The following DOCK4 variants were observed in gnomAD, a reference collection of about 807,000 sequenced individuals.
DOCK4 encodes dedicator of cytokinesis protein 4.
A neutral mutation model predicts 268.1 loss-of-function variants in DOCK4; 97 were observed. The observed-to-expected ratio is 0.36, with a 90% CI of 0.31 to 0.43. DOCK4 has a LOEUF of 0.43. DOCK4 is among the 20% of genes least tolerant of loss of function. The pLI is 1.00. For synonymous variants in DOCK4, 954 were observed against 887.2 expected (o/e 1.08, Z -1.34); for missense variants, 2,145 against 2,455.7 (o/e 0.87, Z 2.67).
rs529221240 is a variant in DOCK4, at chr7:111,760,236, G to A, written c.4107C>T (p.Ile1369=). 33 of 1,613,890 alleles carry A rather than the reference G, an allele frequency of 2.0e-5. No homozygotes were observed. Among genetic ancestry groups the A allele is most frequent in the Admixed American group, 5.0e-5 (3 of 60,006 alleles). ...QRMLNEFPHA[I]AMQHANQPDE... is the part of the protein sequence containing the mutation. ...CGGGCTGGTTGGCGTGCTGCATGGC[G>A]ATGGCATGGGGGAACTCGTTCAGCA... Residue 1369 remains isoleucine, a synonymous_variant, in exon 40 of 53, where the codon ATC becomes ATT. Transcript: ENST00000428084.
intron 40 of DOCK4, among the ~76,000 whole-genome samples, 153 bp from the exon 41 acceptor site, chr7:111,758,943 G>T (rs1367303406): frequency 6.6e-6 from 1 of 152,092 alleles, no homozygotes; most frequent in Non-Finnish European, 1.5e-5. Flanking sequence ...AAGACGCCAG[G>T]AACTCAGTTC....
chr7:112,204,111 T>C (rs1821175670), intron 1 of DOCK4, among the ~76,000 whole-genome samples: 1 of 151,994 alleles, frequency 6.6e-6, no homozygotes, highest in Non-Finnish European at 1.5e-5. Flanking sequence ...AACCGAGGTG[T>C]CTGCTGCAGC....
intron 47 of DOCK4, among the ~76,000 whole-genome samples, chr7:111,740,878 G>A (rs1343820697): frequency 6.6e-6 from 1 of 151,396 alleles, no homozygotes; most frequent in African/African-American, 2.4e-5. Context: ...CTTTTCCATC[G>A]CTTGCTGATG....
Position 111,739,234 on chromosome 7 carries a change from A to G in DOCK4, c.5132T>C (p.Leu1711Ser), listed in dbSNP as rs760039214. The G allele has an allele frequency of 8.7e-6, 14 of 1,613,868 alleles. No individual in the cohort carries two copies. Among genetic ancestry groups the G allele is most frequent in the Non-Finnish European group, 1.2e-5 (14 of 1,179,736 alleles). Residue 1711 changes from leucine (L) to serine (S), a missense_variant, in exon 49 of 53, where the codon TTG (leucine) becomes TCG (serine). Coordinates refer to ENST00000428084, the MANE Select transcript of DOCK4 (RefSeq NM_001363540.2). ...GGAATGTTTGTGTTTGTCAGACAACAAAGGAGAAGCTGGGAAGAGAAGGAG... is the reference window on the plus strand; with the variant it reads ...GGAATGTTTGTGTTTGTCAGACAACGAAGGAGAAGCTGGGAAGAGAAGGAG... Reference protein sequence around the residue: ...SAPSSARASPLLSDKHKHSRE... With the variant: ...SAPSSARASPSLSDKHKHSRE...
chr7:111,940,016 T>C (rs1795076698), intron 11 of DOCK4, 94 bp downstream of exon 11: 1 of 1,321,798 alleles, frequency 7.6e-7, no homozygotes, highest in South Asian at 1.3e-5. Flanking sequence ...CCACCCATTG[T>C]TCTTCTCTAC....
chr7:112,085,001 G>T (rs1198771285), intron 1 of DOCK4, among the ~76,000 whole-genome samples: 1 of 152,046 alleles, frequency 6.6e-6, no homozygotes, highest in Admixed American at 6.6e-5. Context: ...GCAGGAATTT[G>T]GAGCGAGGGC....
Position 112,168,799 on chromosome 7 carries a change from T to TA in DOCK4, c.37+37302dup, listed in dbSNP as rs1817830114. Among the ~76,000 whole-genome samples the TA allele has an allele frequency of 2.0e-5, 3 of 152,184 alleles. No individual in the cohort carries two copies. In the South Asian group the frequency reaches 6.2e-4, roughly 31 times the overall value. ...GAAGAGAATAATTTTGAATTCTACTTACAGCTATATTTGTCAATCACTGAA... is the reference window on the plus strand; with the variant it reads ...GAAGAGAATAATTTTGAATTCTACTTAACAGCTATATTTGTCAATCACTGAA... On this transcript the variant is annotated intron_variant, in intron 1 of 52. Transcript: ENST00000428084.
At chr7:111,980,118 C>G (rs1798500012) in intron 7 of DOCK4, among the ~76,000 whole-genome samples, 1 of 152,036 alleles carries the variant, frequency 6.6e-6, no homozygotes, top group South Asian at 2.1e-4. Flanking sequence ...TGGGCTTGAA[C>G]TTTTGTTCTT....
intron 1 of DOCK4, among the ~76,000 whole-genome samples, chr7:112,137,656 T>C (rs1814487711): frequency 6.6e-6 from 1 of 152,140 alleles, no homozygotes; most frequent in Non-Finnish European, 1.5e-5. Context: ...AGTAAGATAA[T>C]ATTTTACATA....
intron 1 of DOCK4, among the ~76,000 whole-genome samples, chr7:112,028,151 G>A (rs1802969586): frequency 6.6e-6 from 1 of 152,182 alleles, no homozygotes; most frequent in African/African-American, 2.4e-5. Context: ...ACTAGAGCAT[G>A]AAGTACAGGT....
chr7:111,974,500 G>A (rs1797999728), intron 8 of DOCK4, among the ~76,000 whole-genome samples: 2 of 97,640 alleles, frequency 2.0e-5, no homozygotes, highest in South Asian at 3.1e-4. Flanking sequence ...GGATGTGTGT[G>A]TGTGTGTGTG....
At chr7:112,160,815 C>G (rs1470115193) in intron 1 of DOCK4, among the ~76,000 whole-genome samples, 1 of 152,192 alleles carries the variant, frequency 6.6e-6, no homozygotes, top group Non-Finnish European at 1.5e-5. Context: ...AAGATCCTAT[C>G]GCGGCATTCA....
intron 1 of DOCK4, among the ~76,000 whole-genome samples, chr7:112,174,496 A>T (rs544219629): frequency 6.6e-6 from 1 of 152,180 alleles, no homozygotes; most frequent in South Asian, 2.1e-4. Context: ...TCTCTTTATC[A>T]TCACATCGTA....
chr7:111,824,149 C>T (rs754709830), intron 26 of DOCK4, among the ~76,000 whole-genome samples: 8 of 152,130 alleles, frequency 5.3e-5, no homozygotes, highest in Non-Finnish European at 1.2e-4. Context: ...CACTGTAGGT[C>T]ACATAATTTT....
chr7:111,881,868 C>T (rs1807420182), intron 16 of DOCK4, among the ~76,000 whole-genome samples: 1 of 152,014 alleles, frequency 6.6e-6, no homozygotes, highest in African/African-American at 2.4e-5. Context: ...TTTGTGGGAT[C>T]TAAAAACCAA....
At chr7:112,092,693 T>G (rs1444721477) in intron 1 of DOCK4, among the ~76,000 whole-genome samples, 1 of 152,214 alleles carries the variant, frequency 6.6e-6, no homozygotes, top group Non-Finnish European at 1.5e-5. Context: ...ACAAAGAGAT[T>G]GTGATTTGCA....
intron 30 of DOCK4, among the ~76,000 whole-genome samples, chr7:111,799,134 A>G (rs1024009563): frequency 1.3e-5 from 2 of 152,212 alleles, no homozygotes; most frequent in African/African-American, 4.8e-5. Flanking sequence ...TATTCCCTAC[A>G]GAAATAAAAG....
At chr7:112,114,176 A>G (rs1480482865) in intron 1 of DOCK4, among the ~76,000 whole-genome samples, 1 of 152,100 alleles carries the variant, frequency 6.6e-6, no homozygotes, top group African/African-American at 2.4e-5. Context: ...TGCCTCCTTG[A>G]GCTATCCCCA....
chr7:111,991,852 T>A (rs1799558216), intron 5 of DOCK4, among the ~76,000 whole-genome samples: 1 of 150,520 alleles, frequency 6.6e-6, no homozygotes, highest in Admixed American at 6.7e-5. Flanking sequence ...TCCCAGCTAC[T>A]CGGGAGGCTG....
Sources: allele counts gnomAD v4.1 joint callset (sites outside exome capture counted in the v4.1 genomes callset), GRCh38; gene constraint gnomAD v4.1.1; transcripts MANE v1.5; gene names NCBI Gene and HGNC (gene_info 2026-07-23, HGNC 2026-07-21).